Variants in GYPB observed in about 807,000 individuals in gnomAD.
GYPB encodes the protein glycophorin B (MNS blood group).
In GYPB, 13 loss-of-function variants were observed where a neutral mutation model predicts 15.3. The ratio of observed to expected loss-of-function variants is 0.85; its 90% CI spans 0.55 to 1.35. The LOEUF (loss-of-function observed/expected upper bound fraction) is 1.35. GYPB is among the 40% of genes most tolerant of loss of function. The probability of loss-of-function intolerance (pLI) is 0.00; values close to 1 mark genes in which losing one functional copy is unlikely to be tolerated. For synonymous variants in GYPB, 38 were observed against 36.9 expected, an observed-to-expected ratio of 1.03 and a Z score of -0.11; for missense variants, 131 against 108.3, an observed-to-expected ratio of 1.21 and a Z score of -0.93.
At position 143,997,272 on chromosome 4, in the gene GYPB, A is replaced by G. The variant is rs192976515; in HGVS notation, c.270+268T>C. On this transcript the variant is annotated intron_variant, in intron 4 of 4. Transcript: ENST00000502664. Reference sequence around the variant, plus strand: ...ATATTTCCTCAATATCCATCAAAATATGTGAAAGCAAGTTAGACAAAAACT... The same window carrying G: ...ATATTTCCTCAATATCCATCAAAATGTGTGAAAGCAAGTTAGACAAAAACT... 1.5e-4 allele frequency: 48 copies of G among 310,020 alleles called. 3 individuals carry two copies. Among genetic ancestry groups the G allele is most frequent in the African/African-American group, 7.1e-4 (32 of 44,944 alleles). The allele number at this position is 310,020 out of a possible 1,614,324, so 19.2% of individuals were successfully genotyped here.
chr4:144,010,578 G>A (rs1728162888), intron 1 of GYPB, among the ~76,000 whole-genome samples: 1 of 151,458 alleles, frequency 6.6e-6, no homozygotes, highest in Non-Finnish European at 1.5e-5. Context: ...GTGTGTGTGA[G>A]TCTGTGTGCT....
At chr4:143,997,327 G>C in intron 4 of GYPB, 2 of 426,344 alleles carry the variant, frequency 4.7e-6, no homozygotes, top group East Asian at 8.8e-5. Flanking sequence ...GAAAATGGGG[G>C]ACAGACTTAT....
intron 1 of GYPB, among the ~76,000 whole-genome samples, chr4:144,014,646 A>G (rs1434536539): frequency 6.6e-6 from 1 of 151,368 alleles, no homozygotes; most frequent in Non-Finnish European, 1.5e-5. Context: ...AGTGGCTGCT[A>G]CTGGGTAAGA....
chr4:144,019,305 G>C lies in GYPB; in HGVS notation c.-18C>G. On this transcript the variant is annotated 5_prime_UTR_variant, in exon 1 of 5. Coordinates refer to ENST00000502664, the MANE Select transcript of GYPB (RefSeq NM_002100.6). ...CCATACATCCTGAGATCATGAGCTG[G>C]TTCCTGAAGTTAGTGCAAAAAAACT... 1.2e-6 allele frequency: 2 copies of C among 1,611,660 alleles called. No individual in the cohort carries two copies.
rs1349865374 is a variant in GYPB, at chr4:143,997,635, C to A, written c.176-1G>T. 2 of 1,478,406 alleles carry A rather than the reference C, an allele frequency of 1.4e-6. No homozygotes were observed. Among genetic ancestry groups the A allele is most frequent in the African/African-American group, 1.4e-5 (1 of 70,078 alleles). The allele number at this position is 1,478,406 out of a possible 1,614,324, so 91.6% of individuals were successfully genotyped here. A position where few individuals can be genotyped will look rare whatever the true frequency, so the allele number is the denominator to read the frequency against. On this transcript the variant is annotated splice_acceptor_variant, in intron 3 of 4. Coordinates refer to ENST00000502664, the MANE Select transcript of GYPB (RefSeq NM_002100.6). LOFTEE classifies it high-confidence loss of function. ...ATAATGAGTATTATCACTACAGGAG[C>A]TAAAGAGAGCAGCAAAATTATGAAA...
chr4:143,998,986 C>T (rs1045524458), intron 3 of GYPB, among the ~76,000 whole-genome samples: 5 of 151,082 alleles, frequency 3.3e-5, no homozygotes, highest in African/African-American at 7.4e-5. Flanking sequence ...CAGCCTCAAA[C>T]TCCCAGGCTC....
intron 1 of GYPB, among the ~76,000 whole-genome samples, chr4:144,005,273 C>A (rs1280148785): frequency 6.6e-6 from 1 of 151,974 alleles, no homozygotes; most frequent in Non-Finnish European, 1.5e-5. Flanking sequence ...AGACTTAATT[C>A]TGCTGACCCC....
chr4:144,011,419 T>A (rs549809825), intron 1 of GYPB, among the ~76,000 whole-genome samples: 1 of 151,216 alleles, frequency 6.6e-6, no homozygotes, highest in Admixed American at 6.6e-5. Context: ...CAAACAGGAA[T>A]AACCATATTA....
intron 3 of GYPB, among the ~76,000 whole-genome samples, chr4:143,998,049 T>C (rs1727421851): frequency 6.6e-6 from 1 of 151,428 alleles, no homozygotes; most frequent in Admixed American, 6.6e-5. Flanking sequence ...GAACAGATCA[T>C]AGAATCATAA....
At chr4:144,016,062 TC>T (rs1416938386) in intron 1 of GYPB, among the ~76,000 whole-genome samples, 3 of 147,974 alleles carry the variant, frequency 2.0e-5, no homozygotes, top group Non-Finnish European at 4.4e-5. Flanking sequence ...AGTCATGTAT[TC>T]CCTGGCATAC....
intron 1 of GYPB, among the ~76,000 whole-genome samples, chr4:144,017,091 C>A (rs1469966968): frequency 6.6e-6 from 1 of 150,824 alleles, no homozygotes. Context: ...CTGCTCCCAC[C>A]CTCCGTGTAT....
intron 1 of GYPB, among the ~76,000 whole-genome samples, chr4:144,005,967 T>C (rs1225074690): frequency 6.6e-6 from 1 of 151,592 alleles, no homozygotes. Flanking sequence ...TTAGGTCACC[T>C]AGCAGGCAAG....
chr4:144,016,829 T>C (rs1282652034), intron 1 of GYPB: 2 of 447,188 alleles, frequency 4.5e-6, no homozygotes, highest in Non-Finnish European at 8.9e-6. Context: ...TTGCTCTTGC[T>C]CTTCCCTCTG....
At chr4:143,996,094 A>C, downstream of GYPB, 2 of 1,333,862 alleles carry the variant, frequency 1.5e-6, no homozygotes, top group Non-Finnish European at 2.0e-6. Flanking sequence ...TCATGACTAT[A>C]ATACATGAAA....
intron 1 of GYPB, among the ~76,000 whole-genome samples, chr4:144,017,115 C>G (rs1230825217): frequency 6.6e-6 from 1 of 150,870 alleles, no homozygotes; most frequent in East Asian, 1.9e-4. Flanking sequence ...CCATGGGAGC[C>G]CATTTTTCTT....
chr4:143,996,477 T>C (rs547305229), intron 4 of GYPB, among the ~76,000 whole-genome samples, 173 bp from the exon 5 acceptor site: 1 of 151,220 alleles, frequency 6.6e-6, no homozygotes, highest in South Asian at 2.1e-4. Flanking sequence ...ATAAAAACCC[T>C]AATTAGGGCC....
chr4:144,019,305 G>T lies in GYPB; in HGVS notation c.-18C>A, dbSNP rs751269557. ...CCATACATCCTGAGATCATGAGCTG[G>T]TTCCTGAAGTTAGTGCAAAAAAACT... is the stretch of plus-strand genomic sequence containing the variant. On this transcript the variant is annotated 5_prime_UTR_variant, in exon 1 of 5. Coordinates refer to ENST00000502664, the MANE Select transcript of GYPB (RefSeq NM_002100.6). 2 of 1,611,660 alleles carry T rather than the reference G, an allele frequency of 1.2e-6. No homozygotes were observed. Among genetic ancestry groups the T allele is most frequent in the East Asian group, 2.2e-5 (1 of 44,804 alleles).
At chr4:143,995,542 T>G (rs1175680169), downstream of GYPB, among the ~76,000 whole-genome samples, 3 of 151,404 alleles carry the variant, frequency 2.0e-5, 1 homozygote, top group South Asian at 4.2e-4. Context: ...GTGGGCATCC[T>G]GGAGTCCCTC....
intron 2 of GYPB, 85 bp downstream of exon 2, chr4:144,001,100 T>C (rs1223690171): frequency 6.2e-7 from 1 of 1,606,404 alleles, no homozygotes; most frequent in Non-Finnish European, 8.5e-7. Flanking sequence ...TGTCAGTTTC[T>C]CTGCAGTGAC....
Sources: allele counts gnomAD v4.1 joint callset (sites outside exome capture counted in the v4.1 genomes callset), GRCh38; gene constraint gnomAD v4.1.1; transcripts MANE v1.5; gene names NCBI Gene and HGNC (gene_info 2026-07-23, HGNC 2026-07-21).